Variants in SLC2A12 observed in about 807,000 individuals in gnomAD.
The protein encoded by SLC2A12 is solute carrier family 2, facilitated glucose transporter member 12.
A neutral mutation model predicts 41.8 loss-of-function variants in SLC2A12; 23 were observed. That is an observed-to-expected ratio of 0.55 (90% CI 0.40 to 0.78). SLC2A12 has a LOEUF of 0.78. Among genes scored for constraint, SLC2A12 ranks in the 30% least tolerant of loss-of-function variants. The pLI, the probability that SLC2A12 is intolerant of heterozygous loss-of-function variation, is 0.00. For synonymous variants in SLC2A12, 295 were observed against 285.9 expected (o/e 1.03, Z -0.32); for missense variants, 654 against 745.6 (o/e 0.88, Z 1.43).
chr6:133,991,390 C>A, intron 4 of SLC2A12, 82 bp from the exon 5 acceptor site: 1 of 1,434,502 alleles, frequency 7.0e-7, no homozygotes, highest in East Asian at 2.3e-5. Context: ...TTTTAAACCA[C>A]CCTGGGGCTT....
chr6:134,033,601 G>A (rs1336370065), intron 1 of SLC2A12, among the ~76,000 whole-genome samples: 1 of 152,186 alleles, frequency 6.6e-6, no homozygotes, highest in Non-Finnish European at 1.5e-5. Flanking sequence ...GCCAGACTGA[G>A]TGAAGGACCT....
At chr6:134,050,857 A>C (rs953154103) in intron 1 of SLC2A12, among the ~76,000 whole-genome samples, 33 of 152,118 alleles carry the variant, frequency 2.2e-4, no homozygotes, top group African/African-American at 8.0e-4. Context: ...GCAAGCGCTT[A>C]GGGAAAAGGG....
chr6:133,992,447 T>G (rs997695450), intron 4 of SLC2A12, among the ~76,000 whole-genome samples: 1 of 152,202 alleles, frequency 6.6e-6, no homozygotes, highest in Non-Finnish European at 1.5e-5. Flanking sequence ...AGTAGGAACG[T>G]CAACTCACCA....
chr6:134,016,074 AG>A (rs1776957448), intron 2 of SLC2A12, among the ~76,000 whole-genome samples: 2 of 152,136 alleles, frequency 1.3e-5, no homozygotes, highest in Non-Finnish European at 2.9e-5. Context: ...AGTTCTCCGT[AG>A]GTCTCTCACA....
At chr6:134,025,157 A>G (rs1777097683) in intron 2 of SLC2A12, among the ~76,000 whole-genome samples, 1 of 152,208 alleles carries the variant, frequency 6.6e-6, no homozygotes, top group Non-Finnish European at 1.5e-5. Context: ...ATTTTTATTC[A>G]TTCTTCCTCC....
chr6:134,001,509 T>A (rs894755980), intron 4 of SLC2A12, among the ~76,000 whole-genome samples: 1 of 152,220 alleles, frequency 6.6e-6, no homozygotes, highest in African/African-American at 2.4e-5. Flanking sequence ...AAATATGGTT[T>A]AATGCTTTTT....
In SLC2A12 at chr6:134,028,873, G is replaced by A; in HGVS notation, c.952C>T (p.Leu318Phe). Reference sequence around the variant, plus strand: ...ACGACTCCAACCCCAGTGGAGGCGAGGCTAGCTGCCTCATTGCTTTGAAAT... The same window carrying A: ...ACGACTCCAACCCCAGTGGAGGCGAAGCTAGCTGCCTCATTGCTTTGAAAT... ...VGFQSNEAAS[L>F]ASTGVGVVKV... Residue 318 changes from leucine to phenylalanine, a missense_variant, in exon 2 of 5, where the codon CTC becomes TTC. Coordinates refer to ENST00000275230, the MANE Select transcript of SLC2A12 (RefSeq NM_145176.3). The A allele has an allele frequency of 6.2e-7, 1 of 1,614,216 alleles. No homozygotes were observed. The highest frequency in any genetic ancestry group is 8.5e-7 in the Non-Finnish European group (1 of 1,180,046).
At chr6:134,009,886 A>G (rs1016955237) in intron 2 of SLC2A12, among the ~76,000 whole-genome samples, 3 of 152,168 alleles carry the variant, frequency 2.0e-5, no homozygotes, top group Non-Finnish European at 4.4e-5. Context: ...CAATGATTCC[A>G]GATTGTAAAA....
chr6:133,999,472 T>C (rs943317947), intron 4 of SLC2A12, among the ~76,000 whole-genome samples: 2 of 152,170 alleles, frequency 1.3e-5, no homozygotes, highest in East Asian at 3.9e-4. Flanking sequence ...GTGCTGACAA[T>C]AGAAAGTGGT....
intron 1 of SLC2A12, among the ~76,000 whole-genome samples, chr6:134,030,120 C>G (rs1777183045): frequency 6.6e-6 from 1 of 152,150 alleles, no homozygotes; most frequent in African/African-American, 2.4e-5. Context: ...TTCCAGTTCT[C>G]TAAAGGCAAA....
chr6:134,036,588 G>C (rs7739733), intron 1 of SLC2A12, among the ~76,000 whole-genome samples: 12,858 of 152,068 alleles, frequency 0.085, 1,292 homozygotes, highest in African/African-American at 0.24. Flanking sequence ...TCCTTTCACC[G>C]CTAGCCTTCT....
intron 2 of SLC2A12, among the ~76,000 whole-genome samples, chr6:134,021,034 T>A (rs1777033734): frequency 6.6e-6 from 1 of 152,198 alleles, no homozygotes; most frequent in Non-Finnish European, 1.5e-5. Flanking sequence ...CTCCCGCTAA[T>A]TGTTTCTTAA....
intron 3 of SLC2A12, among the ~76,000 whole-genome samples, chr6:134,004,288 T>C (rs1318373052): frequency 6.6e-6 from 1 of 152,182 alleles, no homozygotes. Flanking sequence ...ATGTGTGTGA[T>C]CTGAGTAGGA....
At chr6:134,046,644 A>T (rs2811685) in intron 1 of SLC2A12, among the ~76,000 whole-genome samples, 86,210 of 151,616 alleles carry the variant, frequency 0.57, 25,510 homozygotes, top group African/African-American at 0.72. Flanking sequence ...ACTAAAAAAA[A>T]ATATATATAT....
intron 4 of SLC2A12, among the ~76,000 whole-genome samples, chr6:133,999,797 AT>A (rs549381729): frequency 1.3e-4 from 20 of 152,344 alleles, no homozygotes; most frequent in South Asian, 1.2e-3. Flanking sequence ...CAGCTGCAAC[AT>A]TTGGGATGCC....
rs1157512873 is a variant in SLC2A12, at chr6:134,043,777, C to T, written c.103+8601G>A. 5.9e-5 allele frequency among the ~76,000 whole-genome samples: 8 copies of T among 135,708 alleles called. 1 individual carries two copies. In the South Asian group the frequency reaches 9.4e-4, roughly 16 times the overall value. 89.0% of individuals were successfully genotyped at this position (135,708 alleles called of 152,430 possible). On this transcript the variant is annotated intron_variant, in intron 1 of 4. Transcript: ENST00000275230. ...ACTGCACCCTAGCCTGGCGACAGAGCGAGACTCTGTCCCAAAAAAAAAAAA... is the reference window on the plus strand; with the variant it reads ...ACTGCACCCTAGCCTGGCGACAGAGTGAGACTCTGTCCCAAAAAAAAAAAA...
At chr6:134,023,301 A>G (rs1777069555) in intron 2 of SLC2A12, among the ~76,000 whole-genome samples, 1 of 152,234 alleles carries the variant, frequency 6.6e-6, no homozygotes, top group Admixed American at 6.5e-5. Context: ...GATGGCAGAT[A>G]TAGGAAGGAA....
At chr6:134,012,409 C>A (rs2114442815) in intron 2 of SLC2A12, among the ~76,000 whole-genome samples, 1 of 152,248 alleles carries the variant, frequency 6.6e-6, no homozygotes, top group Admixed American at 6.5e-5. Flanking sequence ...TGTGAGCAGG[C>A]ACCAATTGGG....
At chr6:134,004,957 G>C (rs561740948) in intron 3 of SLC2A12, among the ~76,000 whole-genome samples, 1 of 152,260 alleles carries the variant, frequency 6.6e-6, no homozygotes, top group East Asian at 1.9e-4. Context: ...AGCTGCCACA[G>C]AGTTCACCAA....
Sources: allele counts gnomAD v4.1 joint callset (sites outside exome capture counted in the v4.1 genomes callset), GRCh38; gene constraint gnomAD v4.1.1; transcripts MANE v1.5; gene names NCBI Gene and HGNC (gene_info 2026-07-23, HGNC 2026-07-21).